DIP2B: variants seen among roughly 807,000 people sequenced by gnomAD.
The protein encoded by DIP2B is disco-interacting protein 2 homolog B.
A neutral mutation model predicts 198.0 loss-of-function variants in DIP2B; 76 were observed. The observed-to-expected ratio is 0.38, with a 90% CI of 0.32 to 0.46. The LOEUF (loss-of-function observed/expected upper bound fraction) is 0.46. DIP2B is among the 20% of genes least tolerant of loss of function. The probability of loss-of-function intolerance (pLI) is 0.99; values close to 1 mark genes in which losing one functional copy is unlikely to be tolerated. For missense variants in DIP2B, 1,559 were observed against 1,978.4 expected (o/e 0.79, Z 4.02); for synonymous variants, 701 against 739.1 (o/e 0.95, Z 0.84).
intron 34 of DIP2B, 35 bp from the exon 35 acceptor site, chr12:50,737,001 G>A: frequency 6.2e-7 from 1 of 1,603,406 alleles, no homozygotes; most frequent in Non-Finnish European, 8.5e-7. Context: ...AGATTTCACT[G>A]AACTCAATCT....
chr12:50,592,727 C>T (rs920075687), intron 1 of DIP2B, among the ~76,000 whole-genome samples: 45 of 152,018 alleles, frequency 3.0e-4, no homozygotes, highest in African/African-American at 1.0e-3. Flanking sequence ...CTGCCCGCCT[C>T]GGCCTCCTAA....
Position 50,674,577 on chromosome 12 carries a change from T to A in DIP2B, c.744T>A (p.Val248=), listed in dbSNP as rs766410987. ...TTGACCTGCCCCCCTCGGGGATAGT[T>A]AAAGGCATGCACAAAGGATCCAACA... The part of the protein sequence containing the change: ...ANIDLPPSGI[V]KGMHKGSNRS... Residue 248 remains valine (V), a synonymous_variant, in exon 6 of 38, where the codon GTT becomes GTA. Coordinates refer to ENST00000301180, the MANE Select transcript of DIP2B (RefSeq NM_173602.3). The A allele has an allele frequency of 1.2e-6, 2 of 1,614,202 alleles. No individual in the cohort carries two copies. The highest frequency in any genetic ancestry group is 1.7e-6 in the Non-Finnish European group (2 of 1,180,044).
rs1940040137 is a variant in DIP2B, at chr12:50,731,384, C to G, written c.3657C>G (p.His1219Gln). 1.2e-6 allele frequency: 2 copies of G among 1,613,820 alleles called. No homozygotes were observed. The highest frequency in any genetic ancestry group is 1.6e-4 in the Middle Eastern group (1 of 6,080). ...TTCACTGCAGTGTCTATTCAGGCCACCAGTCTGTCTTAATTCCTCCTATGG... is the reference window on the plus strand; with the variant it reads ...TTCACTGCAGTGTCTATTCAGGCCAGCAGTCTGTCTTAATTCCTCCTATGG... Reference protein sequence around the residue: ...LWCLCSVYSGHQSVLIPPMEL... With the variant: ...LWCLCSVYSGQQSVLIPPMEL... Residue 1219 changes from histidine to glutamine, a missense_variant, in exon 31 of 38, where the codon CAC becomes CAG. Transcript: ENST00000301180.
At position 50,565,479 on chromosome 12, in the gene DIP2B, G is replaced by A. The variant is rs185614276; in HGVS notation, c.100+60239G>A. On this transcript the variant is annotated intron_variant, in intron 1 of 37. Coordinates refer to ENST00000301180, the MANE Select transcript of DIP2B (RefSeq NM_173602.3). Reference sequence around the variant, plus strand: ...CCCGGCTAATTGTTTTGTATTTTTAGTAGAGACGGGGTTTCACTGTGTTAG... The same window carrying A: ...CCCGGCTAATTGTTTTGTATTTTTAATAGAGACGGGGTTTCACTGTGTTAG... Among the ~76,000 whole-genome samples, 122 of 152,234 alleles carry A rather than the reference G, an allele frequency of 8.0e-4. 1 individual carries two copies. Among genetic ancestry groups the A allele is most frequent in the African/African-American group, 2.8e-3 (115 of 41,544 alleles).
chr12:50,522,457 G>C (rs1053882313), intron 1 of DIP2B, among the ~76,000 whole-genome samples: 22 of 152,106 alleles, frequency 1.4e-4, no homozygotes, highest in African/African-American at 5.3e-4. Flanking sequence ...ATTGCAGGGC[G>C]CACACATACA....
intron 9 of DIP2B, among the ~76,000 whole-genome samples, chr12:50,681,045 A>T (rs1939031602): frequency 1.3e-5 from 2 of 152,196 alleles, no homozygotes; most frequent in Admixed American, 1.3e-4. Context: ...TCTTTCCAGA[A>T]ATAAATATTT....
At chr12:50,673,937 G>T (rs532911366) in intron 5 of DIP2B, among the ~76,000 whole-genome samples, 1 of 152,078 alleles carries the variant, frequency 6.6e-6, no homozygotes, top group African/African-American at 2.4e-5. Context: ...TGTATAATCC[G>T]TAGGTAAAAG....
chr12:50,645,121 AC>A (rs1450165376), intron 3 of DIP2B, among the ~76,000 whole-genome samples: 2 of 152,246 alleles, frequency 1.3e-5, no homozygotes, highest in Non-Finnish European at 2.9e-5. Context: ...CAAGGACACT[AC>A]AATTGTATAA....
intron 3 of DIP2B, among the ~76,000 whole-genome samples, chr12:50,655,630 A>G (rs756190584): frequency 1.3e-5 from 2 of 152,246 alleles, no homozygotes; most frequent in African/African-American, 4.8e-5. Flanking sequence ...GACCAAAAGG[A>G]CTACAAATAA....
intron 1 of DIP2B, among the ~76,000 whole-genome samples, chr12:50,611,034 G>C (rs1959027561): frequency 6.6e-6 from 1 of 151,998 alleles, no homozygotes; most frequent in African/African-American, 2.4e-5. Flanking sequence ...TCCTGACCTT[G>C]TGACCCATCT....
intron 4 of DIP2B, among the ~76,000 whole-genome samples, chr12:50,662,722 G>A (rs1437699853): frequency 6.6e-6 from 1 of 152,160 alleles, no homozygotes; most frequent in East Asian, 1.9e-4. Context: ...AGAAGATGCC[G>A]AGGCTGTGTT....
chr12:50,570,485 C>T (rs558932991), intron 1 of DIP2B, among the ~76,000 whole-genome samples: 110 of 152,212 alleles, frequency 7.2e-4, no homozygotes, highest in African/African-American at 2.4e-3. Context: ...CTGAGGCAGG[C>T]GGATCACTTG....
At chr12:50,661,160 T>A (rs1485862291) in intron 4 of DIP2B, among the ~76,000 whole-genome samples, 1 of 152,146 alleles carries the variant, frequency 6.6e-6, no homozygotes, top group Non-Finnish European at 1.5e-5. Flanking sequence ...CCAGACAAGA[T>A]CTTGATATAG....
chr12:50,694,972 ATACT>A (rs1409888765), intron 14 of DIP2B, among the ~76,000 whole-genome samples: 3 of 152,202 alleles, frequency 2.0e-5, no homozygotes, highest in African/African-American at 7.2e-5. Flanking sequence ...TATGTTAAAA[ATACT>A]TATATATTTC....
intron 1 of DIP2B, among the ~76,000 whole-genome samples, chr12:50,578,803 C>T (rs4768896): frequency 0.043 from 6,599 of 152,164 alleles, 488 homozygotes; most frequent in African/African-American, 0.15. Flanking sequence ...CCACCGCGCC[C>T]GGCCTGTTTG....
intron 34 of DIP2B, 107 bp from the exon 35 acceptor site, chr12:50,736,929 G>C: frequency 1.9e-6 from 2 of 1,039,990 alleles, no homozygotes; most frequent in South Asian, 2.8e-5. Context: ...CAGCTGGCTC[G>C]CCATGTGTGC....
chr12:50,514,467 T>C (rs557088548), intron 1 of DIP2B, among the ~76,000 whole-genome samples: 2 of 152,186 alleles, frequency 1.3e-5, no homozygotes, highest in South Asian at 2.1e-4. Flanking sequence ...TCCACCCGTA[T>C]CTCCTTTCTT....
At chr12:50,623,880 CTCT>C (rs1014041538) in intron 1 of DIP2B, among the ~76,000 whole-genome samples, 3 of 152,146 alleles carry the variant, frequency 2.0e-5, no homozygotes, top group African/African-American at 4.8e-5. Context: ...CCAGTAGCAC[CTCT>C]TCTTCCATGG....
rs1940115455 is a variant in DIP2B, at chr12:50,735,204, A to G, written c.4101+74A>G. On this transcript the variant is annotated intron_variant, in intron 34 of 37. Transcript: ENST00000301180. Reference sequence around the variant, plus strand: ...GTTCAGTTTAAAGAAACCAGAAGCCATATAATATATTAGTGTCCAGGGCAA... The same window carrying G: ...GTTCAGTTTAAAGAAACCAGAAGCCGTATAATATATTAGTGTCCAGGGCAA... 7 of 1,535,732 alleles carry G rather than the reference A, an allele frequency of 4.6e-6. 1 individual carries two copies. Among genetic ancestry groups the G allele is most frequent in the Non-Finnish European group, 6.3e-6 (7 of 1,110,092 alleles).
Sources: allele counts gnomAD v4.1 joint callset (sites outside exome capture counted in the v4.1 genomes callset), GRCh38; gene constraint gnomAD v4.1.1; transcripts MANE v1.5; gene names NCBI Gene and HGNC (gene_info 2026-07-23, HGNC 2026-07-21).